The following ATOSA variants were observed in gnomAD, a reference collection of about 807,000 sequenced individuals.
The protein encoded by ATOSA is atos homolog protein A.
At chr15:52,626,504 G>C in the ATOSA span, among the ~76,000 whole-genome samples, 3 of 146,662 alleles carry the variant, frequency 2.0e-5, no homozygotes, top group African/African-American at 7.7e-5. Context: ...AGCAGCTTCT[G>C]TGGGAGAAAA....
the ATOSA span, among the ~76,000 whole-genome samples, chr15:52,633,426 C>G: frequency 6.6e-6 from 1 of 152,132 alleles, no homozygotes; most frequent in African/African-American, 2.4e-5. Flanking sequence ...ACAGGTGAGC[C>G]CAACAACTGC....
At chr15:52,590,746 T>C in the ATOSA span, 1 of 152,222 alleles carries the variant, frequency 6.6e-6, no homozygotes, top group African/African-American at 2.4e-5. Context: ...AGACTGGAAC[T>C]GGGTCACTTG....
chr15:52,693,539 G>A, the ATOSA span, among the ~76,000 whole-genome samples: 1 of 152,276 alleles, frequency 6.6e-6, no homozygotes, highest in East Asian at 1.9e-4. Context: ...ACACTGGGTA[G>A]AAAATGTTAA....
chr15:52,687,448 G>A, the ATOSA span, among the ~76,000 whole-genome samples: 1 of 152,210 alleles, frequency 6.6e-6, no homozygotes, highest in South Asian at 2.1e-4. Context: ...TTTGATAACA[G>A]CAAAAATATT....
At chr15:52,687,349 G>C in the ATOSA span, among the ~76,000 whole-genome samples, 1 of 152,230 alleles carries the variant, frequency 6.6e-6, no homozygotes, top group East Asian at 1.9e-4. Context: ...AGCATGCAGC[G>C]AGCCGAGATC....
chr15:52,607,222 G>C, the ATOSA span, among the ~76,000 whole-genome samples: 1 of 152,132 alleles, frequency 6.6e-6, no homozygotes, highest in African/African-American at 2.4e-5. Flanking sequence ...CCAGTAACTT[G>C]GTGGTTTCCC....
At chr15:52,602,736 T>C in the ATOSA span, among the ~76,000 whole-genome samples, 1 of 152,206 alleles carries the variant, frequency 6.6e-6, no homozygotes, top group Non-Finnish European at 1.5e-5. Flanking sequence ...TGGATACATT[T>C]TCCCCCTCTC....
At chr15:52,594,491 TTTGA>T in the ATOSA span, among the ~76,000 whole-genome samples, 2 of 152,228 alleles carry the variant, frequency 1.3e-5, no homozygotes, top group Non-Finnish European at 2.9e-5. Flanking sequence ...GTAGCATTCC[TTTGA>T]TTAATTCTTT....
the ATOSA span, chr15:52,658,381 G>C: frequency 5.6e-6 from 1 of 178,410 alleles, no homozygotes; most frequent in African/African-American, 2.4e-5. Context: ...ATAAATGCTA[G>C]AGTCAACCTT....
chr15:52,697,788 T>G, the ATOSA span, among the ~76,000 whole-genome samples: 1 of 151,478 alleles, frequency 6.6e-6, no homozygotes, highest in East Asian at 1.9e-4. Context: ...GAACAGAAAC[T>G]TGAAAAGATA....
chr15:52,696,188 A>G, the ATOSA span, among the ~76,000 whole-genome samples: 5 of 152,164 alleles, frequency 3.3e-5, no homozygotes, highest in Non-Finnish European at 7.4e-5. Flanking sequence ...CCCAGGTAAG[A>G]GCTAGTGTGG....
chr15:52,605,142 A>G, the ATOSA span: 1 of 1,607,246 alleles, frequency 6.2e-7, no homozygotes, highest in East Asian at 2.3e-5. Context: ...CAGGGCTTGA[A>G]AGAAGAGGCA....
chr15:52,699,843 A>T, the ATOSA span, among the ~76,000 whole-genome samples: 1 of 152,130 alleles, frequency 6.6e-6, no homozygotes, highest in Non-Finnish European at 1.5e-5. Flanking sequence ...AATCTGAAGG[A>T]TACTAGTGGC....
At chr15:52,587,363 T>C in the ATOSA span, 1 of 645,238 alleles carries the variant, frequency 1.5e-6, no homozygotes, top group Non-Finnish European at 2.5e-6. Context: ...TAGAGATACA[T>C]TCTATGTTTC....
the ATOSA span, among the ~76,000 whole-genome samples, chr15:52,692,933 G>A: frequency 1.3e-5 from 2 of 151,570 alleles, no homozygotes; most frequent in Non-Finnish European, 2.9e-5. Flanking sequence ...TTACAAACAT[G>A]AGCCACCACG....
At chr15:52,662,802 AG>A in the ATOSA span, among the ~76,000 whole-genome samples, 1 of 151,520 alleles carries the variant, frequency 6.6e-6, no homozygotes. Flanking sequence ...TAGTATTATT[AG>A]TATTGTGTAC....
At chr15:52,626,541 A>AAAG in the ATOSA span, among the ~76,000 whole-genome samples, 1 of 151,540 alleles carries the variant, frequency 6.6e-6, no homozygotes, top group Non-Finnish European at 1.5e-5. Flanking sequence ...AAAAAAAAAA[A>AAAG]AGAGAGCGAG....
the ATOSA span, among the ~76,000 whole-genome samples, chr15:52,634,751 G>A: frequency 6.6e-6 from 1 of 151,792 alleles, no homozygotes; most frequent in Non-Finnish European, 1.5e-5. Context: ...ACAGGCACAT[G>A]CCACCATGCC....
chr15:52,645,115 G>A, the ATOSA span, among the ~76,000 whole-genome samples: 1 of 152,202 alleles, frequency 6.6e-6, no homozygotes, highest in African/African-American at 2.4e-5. Flanking sequence ...GTCGTATGGA[G>A]AGAACACAGA....
Sources: allele counts gnomAD v4.1 joint callset (sites outside exome capture counted in the v4.1 genomes callset), GRCh38; gene constraint gnomAD v4.1.1; transcripts MANE v1.5; gene names NCBI Gene and HGNC (gene_info 2026-07-23, HGNC 2026-07-21).